SLC45A1: variants seen among roughly 807,000 people sequenced by gnomAD.
SLC45A1 encodes the protein proton-associated sugar transporter A.
Under a neutral mutation model 57.6 loss-of-function variants are expected in SLC45A1, and 28 were observed. The ratio of observed to expected loss-of-function variants is 0.49; its 90% CI spans 0.36 to 0.67. The LOEUF (loss-of-function observed/expected upper bound fraction) is 0.67, where lower values mean the gene tolerates loss of function less well. SLC45A1 is among the 30% of genes least tolerant of loss of function. SLC45A1 has a pLI of 0.00. For synonymous variants in SLC45A1, 459 were observed against 471.5 expected, an observed-to-expected ratio of 0.97 and a Z score of 0.34; for missense variants, 814 against 1,041.5, an observed-to-expected ratio of 0.78 and a Z score of 3.01.
chr1:8,341,061 G>A (rs569311395), intron 8 of SLC45A1, among the ~76,000 whole-genome samples: 4 of 152,040 alleles, frequency 2.6e-5, no homozygotes, highest in Admixed American at 1.3e-4. Context: ...GCATGGTGGC[G>A]CGTGCCTCTA....
chr1:8,325,585 T>A lies in SLC45A1; in HGVS notation c.490+195T>A, dbSNP rs1358801486. Among the ~76,000 whole-genome samples, 15 of 152,202 alleles carry A rather than the reference T, an allele frequency of 9.9e-5. No individual in the cohort carries two copies. The highest frequency in any genetic ancestry group is 9.8e-4 in the Admixed American group (15 of 15,286). ...GAGAATAGATCGCTTTGATCATTTTTAAAAATTGAGTTGATAAAGTTCATC... is the reference window on the plus strand; with the variant it reads ...GAGAATAGATCGCTTTGATCATTTTAAAAAATTGAGTTGATAAAGTTCATC... On this transcript the variant is annotated intron_variant, in intron 3 of 8. Coordinates refer to ENST00000471889, the MANE Select transcript of SLC45A1 (RefSeq NM_001080397.3). This position sits in a 1 kb window ranked among gnomAD's most constrained non-coding sequence, Gnocchi z 6.3.
At chr1:8,321,498 T>C (rs1004050298) in intron 1 of SLC45A1, among the ~76,000 whole-genome samples, 2 of 152,330 alleles carry the variant, frequency 1.3e-5, no homozygotes, top group African/African-American at 4.8e-5. Context: ...CTGTTACTCA[T>C]ATCTGTCTTT....
intron 5 of SLC45A1, 104 bp downstream of exon 5, chr1:8,331,040 C>A: frequency 7.1e-7 from 1 of 1,400,626 alleles, no homozygotes; most frequent in Non-Finnish European, 9.6e-7. Context: ...AAGAAATTCC[C>A]GGCTGTTATG....
At chr1:8,339,103 G>A (rs1205485658) in intron 7 of SLC45A1, among the ~76,000 whole-genome samples, 7 of 152,290 alleles carry the variant, frequency 4.6e-5, no homozygotes, top group African/African-American at 7.2e-5. Context: ...GGCTGGCTAC[G>A]GGATGGGCTG....
At chr1:8,321,309 T>C (rs1640003150) in intron 1 of SLC45A1, among the ~76,000 whole-genome samples, 1 of 152,142 alleles carries the variant, frequency 6.6e-6, no homozygotes. Flanking sequence ...GAAAGCGTGG[T>C]ATTTTCCAAA....
chr1:8,331,178 C>T (rs926552748), intron 5 of SLC45A1, among the ~76,000 whole-genome samples: 1 of 152,142 alleles, frequency 6.6e-6, no homozygotes, highest in Non-Finnish European at 1.5e-5. Flanking sequence ...GAGTTTGAAA[C>T]CAGCCTGGGC....
intron 1 of SLC45A1, among the ~76,000 whole-genome samples, chr1:8,321,908 T>TTGATA (rs1640018144): frequency 7.8e-6 from 1 of 128,292 alleles, no homozygotes; most frequent in African/African-American, 3.0e-5. Flanking sequence ...GGTGGGTGGA[T>TTGATA]GGATGGATGG....
At chr1:8,323,595 C>T (rs543897994) in intron 1 of SLC45A1, among the ~76,000 whole-genome samples, 18 of 142,796 alleles carry the variant, frequency 1.3e-4, no homozygotes, top group South Asian at 6.8e-4. Flanking sequence ...TCTGTGACTA[C>T]GGGATTCCAG....
intron 1 of SLC45A1, among the ~76,000 whole-genome samples, chr1:8,322,808 C>T (rs1416450308): frequency 6.6e-6 from 1 of 152,136 alleles, no homozygotes; most frequent in East Asian, 1.9e-4. Flanking sequence ...GGAAGGACTT[C>T]AAAGGGAATT....
intron 1 of SLC45A1, among the ~76,000 whole-genome samples, chr1:8,320,659 C>G (rs1042216775): frequency 1.5e-5 from 2 of 136,528 alleles, no homozygotes; most frequent in African/African-American, 5.6e-5. Context: ...GTCTGTCTGT[C>G]TCTCTCTCTC....
At chr1:8,333,233 C>T (rs887870312) in intron 5 of SLC45A1, among the ~76,000 whole-genome samples, 3 of 151,380 alleles carry the variant, frequency 2.0e-5, no homozygotes, top group African/African-American at 7.3e-5. Flanking sequence ...ATTTTCTTTT[C>T]CTTTCCTTTT....
Position 8,325,147 on chromosome 1 carries a change from T to G in SLC45A1, c.398-151T>G. 5 of 604,810 alleles carry G rather than the reference T, an allele frequency of 8.3e-6. No individual in the cohort carries two copies. The highest frequency in any genetic ancestry group is 4.5e-4 in the Middle Eastern group (1 of 2,224). The allele number at this position is 604,810 out of a possible 1,614,324, so 37.5% of individuals were successfully genotyped here. A position where few individuals can be genotyped will look rare whatever the true frequency, so the allele number is the denominator to read the frequency against. On this transcript the variant is annotated intron_variant, in intron 2 of 8. Coordinates refer to ENST00000471889, the MANE Select transcript of SLC45A1 (RefSeq NM_001080397.3). The surrounding 1 kb of genome is among the most constrained non-coding windows in gnomAD (Gnocchi z 6.3). ...GTCTGCTGAGCTTTGGTTTCCGAGT[T>G]CAGGGTTTTGTCACTGACTGTTTCA...
chr1:8,339,048 G>A (rs747759584), intron 7 of SLC45A1, among the ~76,000 whole-genome samples: 6 of 152,184 alleles, frequency 3.9e-5, no homozygotes, highest in Non-Finnish European at 5.9e-5. Context: ...GAGCCCCGTC[G>A]CTGACATCCA....
intron 8 of SLC45A1, among the ~76,000 whole-genome samples, chr1:8,341,933 T>G (rs574113899): frequency 7.2e-6 from 1 of 137,974 alleles, no homozygotes; most frequent in Admixed American, 7.4e-5. Context: ...ATAGGCCGGG[T>G]GCGGTGGCTC....
intron 2 of SLC45A1, among the ~76,000 whole-genome samples, chr1:8,324,993 T>C (rs149573385): frequency 1.2e-3 from 188 of 152,292 alleles, no homozygotes; most frequent in Middle Eastern, 3.4e-3. Flanking sequence ...AGGGTCCAAC[T>C]CATAACGCTT....
intron 8 of SLC45A1, among the ~76,000 whole-genome samples, chr1:8,341,200 A>AAAAAAAAAGATAGTAATACTTTG (rs1640799962): frequency 1.5e-5 from 2 of 130,068 alleles, no homozygotes; most frequent in South Asian, 2.3e-4. Flanking sequence ...ACTCCGTTTC[A>AAAAAAAAAGATAGTAATACTTTG]AAAAAAAAAA....
chr1:8,329,169 C>T (rs567151014), intron 4 of SLC45A1, among the ~76,000 whole-genome samples: 2 of 152,264 alleles, frequency 1.3e-5, no homozygotes, highest in South Asian at 2.1e-4. Flanking sequence ...TCCTTAGGTA[C>T]GTGTGGAAGG....
intron 2 of SLC45A1, among the ~76,000 whole-genome samples, chr1:8,324,999 C>G (rs2292242): frequency 6.6e-6 from 1 of 151,886 alleles, no homozygotes. Context: ...CAACTCATAA[C>G]GCTTGGTGTC....
rs1314294999 is a variant in SLC45A1, at chr1:8,343,420, C to A, written c.1981-327C>A. 1.3e-5 allele frequency among the ~76,000 whole-genome samples: 2 copies of A among 152,106 alleles called. No homozygotes were observed. The highest frequency in any genetic ancestry group is 2.9e-5 in the Non-Finnish European group (2 of 68,018). ...GAGGGGATGGCAGGAGTGGAGCGGTCGCCTGGCTGGGCAGATTGGTTTTCT... is the reference window on the plus strand; with the variant it reads ...GAGGGGATGGCAGGAGTGGAGCGGTAGCCTGGCTGGGCAGATTGGTTTTCT... On this transcript the variant is annotated intron_variant, in intron 8 of 8. Coordinates refer to ENST00000471889, the MANE Select transcript of SLC45A1 (RefSeq NM_001080397.3). The surrounding 1 kb of genome is among the most constrained non-coding windows in gnomAD (Gnocchi z 7.7).
Sources: gnomAD v4.1 joint callset for allele counts (sites outside exome capture counted in the v4.1 genomes callset) on GRCh38, gnomAD v4.1.1 for gene constraint, Gnocchi (gnomAD v3.1) non-coding constraint, MANE v1.5 for transcripts, NCBI Gene and HGNC (gene_info 2026-07-23, HGNC 2026-07-21) for gene names.